Variants in DRG2 observed in about 807,000 individuals in gnomAD.
DRG2 encodes the protein developmentally-regulated GTP-binding protein 2.
A neutral mutation model predicts 53.4 loss-of-function variants in DRG2; 36 were observed. The observed-to-expected ratio is 0.67, with a 90% CI of 0.52 to 0.89. DRG2 has a LOEUF of 0.89. DRG2 is among the 40% of genes least tolerant of loss of function. The pLI is 0.00. For synonymous variants in DRG2, 167 were observed against 192.1 expected (o/e 0.87, Z 1.08); for missense variants, 342 against 481.2 (o/e 0.71, Z 2.71).
rs1167027749 is a variant in DRG2, at chr17:18,107,513, C to T, written c.*273C>T. 6.1e-6 allele frequency: 3 copies of T among 493,982 alleles called. No homozygotes were observed. The highest frequency in any genetic ancestry group is 1.1e-5 in the Non-Finnish European group (3 of 271,358). The allele number at this position is 493,982 out of a possible 1,614,324, so 30.6% of individuals were successfully genotyped here. A position where few individuals can be genotyped will look rare whatever the true frequency, so the allele number is the denominator to read the frequency against. Reference sequence around the variant, plus strand: ...AGCCTGCATCTGTGCCTCCCAGCCCCCTGCACTGAGGGAGCAAGTTGCCCA... The same window carrying T: ...AGCCTGCATCTGTGCCTCCCAGCCCTCTGCACTGAGGGAGCAAGTTGCCCA... On this transcript the variant is annotated 3_prime_UTR_variant, in exon 13 of 13. Transcript: ENST00000225729.
Position 18,107,244 on chromosome 17 carries a change from C to A in DRG2, c.*4C>A. 1 of 1,612,248 alleles carries A rather than the reference C, an allele frequency of 6.2e-7. No individual in the cohort carries two copies. The highest frequency in any genetic ancestry group is 8.5e-7 in the Non-Finnish European group (1 of 1,179,900). The stretch of plus-strand genomic sequence containing the variant: ...CATCCAGATCGTGAAGAAGTAACGG[C>A]GCCTGCCGGGCCTCCCGCCCACCTG... On this transcript the variant is annotated 3_prime_UTR_variant, in exon 13 of 13. Transcript: ENST00000225729.
chr17:18,102,220 A>C lies in DRG2; in HGVS notation c.806+223A>C, dbSNP rs73979284. Among the ~76,000 whole-genome samples the C allele has an allele frequency of 9.7e-3, 1,472 of 152,346 alleles. 19 individuals are homozygous for C. The highest frequency in any genetic ancestry group is 0.034 in the African/African-American group (1,411 of 41,574). ...GGTCCCCTTCATAGCTGCTGGAGGC[A>C]TTGGCCCATTCCAGTTCTGAATTGC... On this transcript the variant is annotated intron_variant, in intron 9 of 12. Coordinates refer to ENST00000225729, the MANE Select transcript of DRG2 (RefSeq NM_001388.5).
Position 18,100,764 on chromosome 17 carries a change from C to A in DRG2, c.631+105C>A. 1 of 1,109,028 alleles carries A rather than the reference C, an allele frequency of 9.0e-7. No homozygotes were observed. Among genetic ancestry groups the A allele is most frequent in the Non-Finnish European group, 1.3e-6 (1 of 758,284 alleles). The allele number at this position is 1,109,028 out of a possible 1,614,324, so 68.7% of individuals were successfully genotyped here. A position where few individuals can be genotyped will look rare whatever the true frequency, so the allele number is the denominator to read the frequency against. ...CTCATGGAGCAGGGTGGCAGCAGGTCACCCCCACTGCCCCTGCTGTCCATT... is the reference window on the plus strand; with the variant it reads ...CTCATGGAGCAGGGTGGCAGCAGGTAACCCCCACTGCCCCTGCTGTCCATT... On this transcript the variant is annotated intron_variant, in intron 7 of 12. Transcript: ENST00000225729. This position sits in a 1 kb window ranked among gnomAD's most constrained non-coding sequence, Gnocchi z 4.1.
intron 7 of DRG2, among the ~76,000 whole-genome samples, 159 bp from the exon 8 acceptor site, chr17:18,101,332 CAG>C (rs2045531567): frequency 6.6e-6 from 1 of 152,158 alleles, no homozygotes; most frequent in South Asian, 2.1e-4. Flanking sequence ...GGGAAGAGAA[CAG>C]AGGGCTTCCA....
chr17:18,096,095 G>A (rs2045429559), intron 2 of DRG2: 3 of 152,198 alleles, frequency 2.0e-5, no homozygotes, highest in African/African-American at 4.8e-5. Context: ...AGGCCACAGA[G>A]GTAAAGTGCC....
chr17:18,098,515 G>A lies in DRG2; in HGVS notation c.315+156G>A. ...TGCCCTCCAGCACTGACACTTCTGGGGATCCTAGCTGCTGGACCCCAGAGA... is the reference window on the plus strand; with the variant it reads ...TGCCCTCCAGCACTGACACTTCTGGAGATCCTAGCTGCTGGACCCCAGAGA... On this transcript the variant is annotated intron_variant, in intron 3 of 12. Coordinates refer to ENST00000225729, the MANE Select transcript of DRG2 (RefSeq NM_001388.5). This position sits in a 1 kb window ranked among gnomAD's most constrained non-coding sequence, Gnocchi z 4.1. 1.6e-6 allele frequency: 1 copy of A among 641,132 alleles called. No individual in the cohort carries two copies. The highest frequency in any genetic ancestry group is 2.6e-5 in the Admixed American group (1 of 38,092). The allele number at this position is 641,132 out of a possible 1,614,324, so 39.7% of individuals were successfully genotyped here. A position where few individuals can be genotyped will look rare whatever the true frequency, so the allele number is the denominator to read the frequency against.
intron 1 of DRG2, among the ~76,000 whole-genome samples, chr17:18,090,505 C>T (rs2045316356): frequency 6.8e-6 from 1 of 146,976 alleles, no homozygotes; most frequent in Non-Finnish European, 1.5e-5. Flanking sequence ...CAACCTCCGC[C>T]TCCCAGGTTC....
intron 9 of DRG2, 76 bp downstream of exon 9, chr17:18,102,073 C>G: frequency 6.8e-7 from 1 of 1,476,446 alleles, no homozygotes; most frequent in Non-Finnish European, 9.3e-7. Flanking sequence ...CTCCCAGCCA[C>G]TTTGGCTGTG....
At chr17:18,106,298 G>A (rs2142209920) in intron 11 of DRG2, 135 bp from the exon 12 acceptor site, 1 of 907,568 alleles carries the variant, frequency 1.1e-6, no homozygotes, top group South Asian at 1.4e-5. Context: ...TCCACACAAG[G>A]CCCAGACTGT....
In DRG2 at chr17:18,107,324, A is replaced by G; in HGVS notation, c.*84A>G. Reference sequence around the variant, plus strand: ...GGGACACACAAACACCCAAACAGAAAAATACAAATACACGTACCCCAGGAA... The same window carrying G: ...GGGACACACAAACACCCAAACAGAAGAATACAAATACACGTACCCCAGGAA... On this transcript the variant is annotated 3_prime_UTR_variant, in exon 13 of 13. Coordinates refer to ENST00000225729, the MANE Select transcript of DRG2 (RefSeq NM_001388.5). The G allele has an allele frequency of 7.6e-7, 1 of 1,319,400 alleles. No homozygotes were observed. The highest frequency in any genetic ancestry group is 1.2e-5 in the South Asian group (1 of 82,450). The allele number at this position is 1,319,400 out of a possible 1,614,324, so 81.7% of individuals were successfully genotyped here. A position where few individuals can be genotyped will look rare whatever the true frequency, so the allele number is the denominator to read the frequency against.
At position 18,098,812 on chromosome 17, in the gene DRG2, G is replaced by A. The variant is rs1234271296; in HGVS notation, c.316-205G>A. ...GTGTTGTGGGATTGGAAGATCTTGA[G>A]CCCTCCCTAGGCGGCTACTCAGCTC... On this transcript the variant is annotated intron_variant, in intron 3 of 12. Transcript: ENST00000225729. The surrounding 1 kb of genome is among the most constrained non-coding windows in gnomAD (Gnocchi z 4.1). 6.6e-6 allele frequency among the ~76,000 whole-genome samples: 1 copy of A among 152,220 alleles called. No homozygotes were observed. The highest frequency in any genetic ancestry group is 1.9e-4 in the East Asian group (1 of 5,206).
intron 9 of DRG2, among the ~76,000 whole-genome samples, chr17:18,102,745 G>A (rs2045563145): frequency 6.6e-6 from 1 of 151,990 alleles, no homozygotes; most frequent in African/African-American, 2.4e-5. Flanking sequence ...TCTGATCACA[G>A]CTCAAAGGGA....
chr17:18,090,406 A>ATT (rs1186716416), intron 1 of DRG2, among the ~76,000 whole-genome samples: 28 of 22,684 alleles, frequency 1.2e-3, no homozygotes, highest in Non-Finnish European at 1.6e-3. Context: ...ATATATATAT[A>ATT]TTTTTTTTTT....
chr17:18,099,850 C>T lies in DRG2; in HGVS notation c.467+127C>T, dbSNP rs745490362. 9.3e-5 allele frequency: 86 copies of T among 924,136 alleles called. No homozygotes were observed. Among genetic ancestry groups the T allele is most frequent in the Non-Finnish European group, 1.4e-4 (84 of 599,340 alleles). 57.2% of individuals were successfully genotyped at this position (924,136 alleles called of 1,614,324 possible). ...GTGAGAGTAGTGGTAGGACTTGTCA[C>T]AGACTAAACCCAACACCACCCAGCC... is the stretch of plus-strand genomic sequence containing the variant. On this transcript the variant is annotated intron_variant, in intron 5 of 12. Coordinates refer to ENST00000225729, the MANE Select transcript of DRG2 (RefSeq NM_001388.5). This position sits in a 1 kb window ranked among gnomAD's most constrained non-coding sequence, Gnocchi z 4.4.
chr17:18,102,150 A>G (rs2045549605), intron 9 of DRG2, among the ~76,000 whole-genome samples, 153 bp downstream of exon 9: 1 of 152,198 alleles, frequency 6.6e-6, no homozygotes, highest in African/African-American at 2.4e-5. Flanking sequence ...CTTCCTGCCC[A>G]GGGCAGAGCA....
intron 2 of DRG2, chr17:18,096,924 G>A (rs2045443586): frequency 6.6e-6 from 1 of 152,188 alleles, no homozygotes; most frequent in Non-Finnish European, 1.5e-5. Flanking sequence ...CTGCAGGCTG[G>A]GCAGTGTTTA....
rs2230316 is a variant in DRG2 at position 18,093,895 on chromosome 17, G to A, written c.147G>A (p.Ser49=). The part of the protein sequence containing the change: ...AQLLEPSKSA[S]SKGEGFDVMK... Reference sequence around the variant, plus strand: ...TCCTGGAACCGTCCAAATCGGCCTCGTCCAAAGGAGAGGGCTTTGATGTCA... The same window carrying A: ...TCCTGGAACCGTCCAAATCGGCCTCATCCAAAGGAGAGGGCTTTGATGTCA... The change falls in exon 2 of 13, where the codon TCG becomes TCA. Residue 49 remains serine, a synonymous_variant. Transcript: ENST00000225729. 858,126 of 1,613,836 alleles carry A rather than the reference G, an allele frequency of 0.53. 245,865 individuals are homozygous for A. Among genetic ancestry groups the A allele is most frequent in the Non-Finnish European group, 0.61 (714,247 of 1,179,916 alleles).
chr17:18,104,756 G>T, intron 11 of DRG2, 75 bp downstream of exon 11: 1 of 1,607,052 alleles, frequency 6.2e-7, no homozygotes, highest in Non-Finnish European at 8.5e-7. Flanking sequence ...TGCCTGAGGT[G>T]CCCTGGGCTG....
At position 18,100,128 on chromosome 17, in the gene DRG2, C is replaced by T; in HGVS notation, c.468-235C>T. ...TGTGGTCACCTCGCGGGGGCTCCACCACTTGCCTGTGCATGCCGACCGTAA... is the reference window on the plus strand; with the variant it reads ...TGTGGTCACCTCGCGGGGGCTCCACTACTTGCCTGTGCATGCCGACCGTAA... On this transcript the variant is annotated intron_variant, in intron 5 of 12. Coordinates refer to ENST00000225729, the MANE Select transcript of DRG2 (RefSeq NM_001388.5). This position sits in a 1 kb window ranked among gnomAD's most constrained non-coding sequence, Gnocchi z 4.1. 4 of 598,906 alleles carry T rather than the reference C, an allele frequency of 6.7e-6. No individual in the cohort carries two copies. The South Asian group carries it at 7.9e-5, about 12-fold the overall frequency. 37.1% of individuals were successfully genotyped at this position (598,906 alleles called of 1,614,324 possible). A position where few individuals can be genotyped will look rare whatever the true frequency, so the allele number is the denominator to read the frequency against.
Sources: gnomAD v4.1 joint callset for allele counts (sites outside exome capture counted in the v4.1 genomes callset) on GRCh38, gnomAD v4.1.1 for gene constraint, Gnocchi (gnomAD v3.1) non-coding constraint, MANE v1.5 for transcripts, NCBI Gene and HGNC (gene_info 2026-07-23, HGNC 2026-07-21) for gene names.